GCSH: variants seen among roughly 807,000 people sequenced by gnomAD.
The protein encoded by GCSH is glycine cleavage system protein H.
Under a neutral mutation model 21.3 loss-of-function variants are expected in GCSH, and 15 were observed. The observed-to-expected ratio is 0.70, with a 90% CI of 0.47 to 1.08. The LOEUF (loss-of-function observed/expected upper bound fraction) is 1.08, where lower values mean the gene tolerates loss of function less well. GCSH is among the 50% of genes least tolerant of loss of function. The probability of loss-of-function intolerance (pLI) is 0.00; values close to 1 mark genes in which losing one functional copy is unlikely to be tolerated. For synonymous variants in GCSH, 59 were observed against 84.5 expected (o/e 0.70, Z 1.66); for missense variants, 179 against 217.5 (o/e 0.82, Z 1.11).
At chr16:81,086,799 A>C (rs1972289686) in intron 3 of GCSH, among the ~76,000 whole-genome samples, 1 of 152,230 alleles carries the variant, frequency 6.6e-6, no homozygotes, top group Non-Finnish European at 1.5e-5. Context: ...AGCCAAACGT[A>C]ACACACACTG....
chr16:81,084,496 G>C lies in GCSH; in HGVS notation c.391C>G (p.Pro131Ala). 6.2e-7 allele frequency: 1 copy of C among 1,610,850 alleles called. No individual in the cohort carries two copies. Among genetic ancestry groups the C allele is most frequent in the Non-Finnish European group, 8.5e-7 (1 of 1,177,114 alleles). The change falls in exon 4 of 5, where the codon CCA (proline) becomes GCA (alanine). Residue 131 changes from proline (P) to alanine (A), a missense_variant. Coordinates refer to ENST00000315467, the MANE Select transcript of GCSH (RefSeq NM_004483.5). ...TAACAAGATTTGTTTACAAGTCCTGGATTTTCTGCAAGAGCTTCATTAATT... is the reference window on the plus strand; with the variant it reads ...TAACAAGATTTGTTTACAAGTCCTGCATTTTCTGCAAGAGCTTCATTAATT... ...TEINEALAEN[P>A]GLVNKSCYED...
At chr16:81,083,178 TAA>T (rs34446786) in intron 4 of GCSH, 496,463 of 570,850 alleles carry the variant, frequency 0.87, 218,131 homozygotes, top group Middle Eastern at 0.92. Flanking sequence ...TCCACCATAA[TAA>T]ATTAAGAACT....
intron 1 of GCSH, among the ~76,000 whole-genome samples, chr16:81,093,544 T>C (rs1972441533): frequency 6.6e-6 from 1 of 151,986 alleles, no homozygotes; most frequent in Non-Finnish European, 1.5e-5. Flanking sequence ...ACAGGTAATG[T>C]TACCCCTCAG....
At chr16:81,090,929 T>C (rs972752165) in intron 1 of GCSH, 29 of 566,866 alleles carry the variant, frequency 5.1e-5, no homozygotes, top group Non-Finnish European at 7.6e-5. Flanking sequence ...TTGGATTATC[T>C]GCTTTAACAT....
Position 81,082,095 on chromosome 16 carries a change from CG to C in GCSH, c.*770del. 2.2e-6 allele frequency: 1 copy of C among 454,056 alleles called. No individual in the cohort carries two copies. The highest frequency in any genetic ancestry group is 1.6e-5 in the South Asian group (1 of 64,478). 28.1% of individuals were successfully genotyped at this position (454,056 alleles called of 1,614,324 possible). A position where few individuals can be genotyped will look rare whatever the true frequency, so the allele number is the denominator to read the frequency against. ...TCTTTCCTCTTCTTTCTTCAGACCTCGCATGATAGAAAATCAAAGTTGGTGA... is the reference window on the plus strand; with the variant it reads ...TCTTTCCTCTTCTTTCTTCAGACCTCCATGATAGAAAATCAAAGTTGGTGA... On this transcript the variant is annotated 3_prime_UTR_variant, in exon 5 of 5. Transcript: ENST00000315467.
intron 4 of GCSH, chr16:81,083,765 A>G (rs1972215966): frequency 6.6e-6 from 1 of 152,462 alleles, no homozygotes; most frequent in Non-Finnish European, 1.5e-5. Flanking sequence ...AATTGCTGTT[A>G]GCTTACCTGA....
chr16:81,090,933 T>G, intron 1 of GCSH: 1 of 558,270 alleles, frequency 1.8e-6, no homozygotes, highest in Non-Finnish European at 3.2e-6. Context: ...ATTATCTGCT[T>G]TAACATTACT....
At chr16:81,091,310 A>C (rs948055549) in intron 1 of GCSH, 16 of 341,062 alleles carry the variant, frequency 4.7e-5, no homozygotes, top group Non-Finnish European at 1.7e-5. Flanking sequence ...ACCATCGCTT[A>C]AAGAAGAAAA....
rs1359941377 is a variant in GCSH at position 81,090,860 on chromosome 16, C to A, written c.149-180G>T. ...CATGTATAGAGATGACGCATTTAAACAGCAGTACCATTTAAGCAAAGATGG... is the reference window on the plus strand; with the variant it reads ...CATGTATAGAGATGACGCATTTAAAAAGCAGTACCATTTAAGCAAAGATGG... On this transcript the variant is annotated intron_variant, in intron 1 of 4. Transcript: ENST00000315467. The A allele has an allele frequency of 3.0e-5, 20 of 661,902 alleles. 1 individual carries two copies. In the South Asian group the frequency reaches 3.2e-4, roughly 11 times the overall value. The allele number at this position is 661,902 out of a possible 1,614,324, so 41.0% of individuals were successfully genotyped here.
Position 81,082,971 on chromosome 16 carries a change from C to G in GCSH, c.425-8G>C, listed in dbSNP as rs770923322. On this transcript the variant is annotated splice_region_variant and splice_polypyrimidine_tract_variant and intron_variant, in intron 4 of 4. Transcript: ENST00000315467. ...TCATCTTGATCAGCCAACCTGCAAC[C>G]AAAAGACAACCTTATATTCCACATT... 3.3e-6 allele frequency: 5 copies of G among 1,534,352 alleles called. No homozygotes were observed. In the East Asian group the frequency reaches 6.7e-5, roughly 21 times the overall value.
intron 3 of GCSH, among the ~76,000 whole-genome samples, chr16:81,086,903 G>C (rs1373157931): frequency 2.6e-5 from 4 of 152,160 alleles, no homozygotes; most frequent in Admixed American, 2.0e-4. Context: ...GTTTATTTAA[G>C]TGTATACATT....
At chr16:81,093,249 C>T (rs983953468) in intron 1 of GCSH, among the ~76,000 whole-genome samples, 3 of 152,042 alleles carry the variant, frequency 2.0e-5, no homozygotes. Context: ...TGCTACAAAT[C>T]GCCGGTTATA....
At chr16:81,089,249 G>T (rs569336091) in intron 2 of GCSH, among the ~76,000 whole-genome samples, 1 of 152,184 alleles carries the variant, frequency 6.6e-6, no homozygotes, top group Non-Finnish European at 1.5e-5. Flanking sequence ...TCAGATTTTG[G>T]AATACTCGCA....
intron 1 of GCSH, among the ~76,000 whole-genome samples, chr16:81,093,141 G>T (rs75333157): frequency 6.7e-6 from 1 of 149,896 alleles, no homozygotes; most frequent in African/African-American, 2.5e-5. Flanking sequence ...AAAAAAAAAA[G>T]TTGCAGAATG....
At chr16:81,092,835 A>T (rs1475271563) in intron 1 of GCSH, among the ~76,000 whole-genome samples, 1 of 151,142 alleles carries the variant, frequency 6.6e-6, no homozygotes, top group Non-Finnish European at 1.5e-5. Flanking sequence ...TTTCCCCTTA[A>T]ATTATCATGT....
chr16:81,085,370 G>A (rs1419773904), intron 3 of GCSH, among the ~76,000 whole-genome samples: 4 of 152,088 alleles, frequency 2.6e-5, no homozygotes, highest in African/African-American at 9.7e-5. Flanking sequence ...ATAACCACGA[G>A]AAGGGTATAT....
At chr16:81,093,123 CAAAAAAAA>C (rs58955612) in intron 1 of GCSH, among the ~76,000 whole-genome samples, 91 of 69,462 alleles carry the variant, frequency 1.3e-3, no homozygotes, top group African/African-American at 4.1e-3. Flanking sequence ...ACTTCATCTC[CAAAAAAAA>C]AAAAAAAAAG....
chr16:81,091,451 G>T (rs746609444), intron 1 of GCSH, among the ~76,000 whole-genome samples: 1 of 152,174 alleles, frequency 6.6e-6, no homozygotes, highest in Non-Finnish European at 1.5e-5. Flanking sequence ...ACGGTCAAAC[G>T]ATTCAGGGAA....
chr16:81,087,626 T>A lies in GCSH; in HGVS notation c.267A>T (p.Glu89Asp). 1 of 1,612,040 alleles carries A rather than the reference T, an allele frequency of 6.2e-7. No homozygotes were observed. The highest frequency in any genetic ancestry group is 8.5e-7 in the Non-Finnish European group (1 of 1,178,360). Reference sequence around the variant, plus strand: ...CTTGTTTGTTCAATTTTGTCCCAACTTCAGGGAGACTACAATAAACAACAT... The same window carrying A: ...CTTGTTTGTTCAATTTTGTCCCAACATCAGGGAGACTACAATAAACAACAT... Reference protein sequence around the residue: ...LGDVVYCSLPEVGTKLNKQDE... With the variant: ...LGDVVYCSLPDVGTKLNKQDE... The change falls in exon 3 of 5, where the codon GAA becomes GAT. Residue 89 changes from glutamate (E) to aspartate (D), a missense_variant. Glu to Asp is a conservative substitution (Grantham distance 45, BLOSUM62 2). Coordinates refer to ENST00000315467, the MANE Select transcript of GCSH (RefSeq NM_004483.5).
Sources: gnomAD v4.1 joint callset for allele counts (sites outside exome capture counted in the v4.1 genomes callset) on GRCh38, gnomAD v4.1.1 for gene constraint, MANE v1.5 for transcripts, NCBI Gene and HGNC (gene_info 2026-07-23, HGNC 2026-07-21) for gene names.